The following SAMM50 variants were observed in gnomAD, a reference collection of about 807,000 sequenced individuals.
The protein encoded by SAMM50 is sorting and assembly machinery component 50 homolog.
Under a neutral mutation model 66.9 loss-of-function variants are expected in SAMM50, and 47 were observed. That is an observed-to-expected ratio of 0.70 (90% CI 0.56 to 0.90). The LOEUF is 0.90. SAMM50 is among the 40% of genes least tolerant of loss of function. The pLI is 0.00. For missense variants in SAMM50, 535 were observed against 595.3 expected (o/e 0.90, Z 1.05); for synonymous variants, 191 against 214.1 (o/e 0.89, Z 0.94).
intron 1 of SAMM50, among the ~76,000 whole-genome samples, chr22:43,956,068 C>G (rs555230426): frequency 9.9e-5 from 15 of 152,246 alleles, no homozygotes; most frequent in African/African-American, 3.6e-4. Context: ...AAAGACGGAA[C>G]CGCTCTCTGC....
intron 12 of SAMM50, among the ~76,000 whole-genome samples, chr22:43,985,460 T>C (rs4823108): frequency 0.24 from 36,217 of 151,912 alleles, 5,353 homozygotes; most frequent in East Asian, 0.39. Flanking sequence ...TTTGTAGCCT[T>C]TTCAAGTTGT....
chr22:43,989,900 G>C (rs1305313049), intron 13 of SAMM50, among the ~76,000 whole-genome samples: 1 of 152,208 alleles, frequency 6.6e-6, no homozygotes, highest in Admixed American at 6.5e-5. Flanking sequence ...CCCAGCAGAT[G>C]CCTGGGTGCT....
intron 4 of SAMM50, among the ~76,000 whole-genome samples, chr22:43,970,076 A>G (rs558693976): frequency 5.8e-4 from 89 of 152,336 alleles, no homozygotes; most frequent in Non-Finnish European, 9.8e-4. Context: ...TATTTGGAGT[A>G]TAGTTTCAGC....
intron 4 of SAMM50, among the ~76,000 whole-genome samples, chr22:43,970,051 T>A (rs2050195647): frequency 6.6e-6 from 1 of 152,150 alleles, no homozygotes; most frequent in African/African-American, 2.4e-5. Flanking sequence ...CTAGATAAAC[T>A]AAGGACATTT....
At chr22:43,956,266 C>G (rs2050119031) in intron 1 of SAMM50, among the ~76,000 whole-genome samples, 1 of 152,172 alleles carries the variant, frequency 6.6e-6, no homozygotes, top group Non-Finnish European at 1.5e-5. Flanking sequence ...TCCAAGGTCA[C>G]ATAGTTACTG....
At chr22:43,957,186 A>G in intron 1 of SAMM50, 1 of 706,202 alleles carries the variant, frequency 1.4e-6, no homozygotes, top group South Asian at 1.6e-5. Context: ...AGAACAACAT[A>G]GTGACTCCTG....
In SAMM50 at chr22:43,973,322, G is replaced by A; in HGVS notation, c.647G>A (p.Ser216Asn). 6.4e-7 allele frequency: 1 copy of A among 1,573,344 alleles called. No homozygotes were observed. The highest frequency in any genetic ancestry group is 8.7e-7 in the Non-Finnish European group (1 of 1,142,924). Residue 216 changes from serine (S) to asparagine (N), a missense_variant and splice_region_variant, in exon 7 of 15, where the codon AGT becomes AAT. By Grantham distance (46) the Ser-to-Asn change is conservative (BLOSUM62 1). Coordinates refer to ENST00000350028, the MANE Select transcript of SAMM50 (RefSeq NM_015380.5). ...GACAGAGGAATGTCAGCTGAGTACA[G>A]TGTGAGTAGCATTTCAGTCCTTCCC... ...ETDRGMSAEY[S>N]FPIWKTSHTV...
At chr22:43,955,974 T>C (rs188788881) in intron 1 of SAMM50, among the ~76,000 whole-genome samples, 7 of 152,352 alleles carry the variant, frequency 4.6e-5, no homozygotes, top group Non-Finnish European at 1.0e-4. Context: ...GGAGCCATTG[T>C]AGGCTCCTAG....
intron 3 of SAMM50, 74 bp from the exon 4 acceptor site, chr22:43,968,657 G>A (rs1013511709): frequency 3.9e-5 from 40 of 1,026,270 alleles, no homozygotes; most frequent in East Asian, 2.6e-4. Flanking sequence ...TACCAGCCTC[G>A]CCGTGTGGCT....
At chr22:43,972,821 C>T (rs2050210241) in intron 5 of SAMM50, 50 bp from the exon 6 acceptor site, 3 of 1,541,546 alleles carry the variant, frequency 1.9e-6, no homozygotes, top group African/African-American at 2.8e-5. Flanking sequence ...ATCCAAAGTT[C>T]TCATTCCTTC....
At chr22:43,985,017 A>C (rs2050285135) in intron 12 of SAMM50, among the ~76,000 whole-genome samples, 2 of 152,038 alleles carry the variant, frequency 1.3e-5, no homozygotes, top group Admixed American at 6.5e-5. Context: ...GCCATTTTTA[A>C]CAGGTACATA....
chr22:43,978,877 G>A (rs966929519), intron 10 of SAMM50, among the ~76,000 whole-genome samples: 1 of 152,184 alleles, frequency 6.6e-6, no homozygotes, highest in African/African-American at 2.4e-5. Flanking sequence ...ATGAAATGGT[G>A]CATGCGACTG....
At chr22:43,972,541 C>T (rs547577359) in intron 5 of SAMM50, among the ~76,000 whole-genome samples, 199 bp downstream of exon 5, 8 of 152,222 alleles carry the variant, frequency 5.3e-5, no homozygotes, top group East Asian at 3.9e-4. Flanking sequence ...ACAATGTTAA[C>T]GTTAGTAATT....
chr22:43,984,680 G>T (rs2050282776), intron 12 of SAMM50, among the ~76,000 whole-genome samples: 1 of 151,184 alleles, frequency 6.6e-6, no homozygotes, highest in African/African-American at 2.4e-5. Context: ...CCAGGCTGGA[G>T]TGCAGTGGCA....
rs1278365013 is a variant in SAMM50 at position 43,992,600 on chromosome 22, CTG to C, written c.1364+2199_1364+2200del. Reference sequence around the variant, plus strand: ...GGCCCAGCTTGGCCACTCTGTGTGACTGTGTGGCCCGGGGTGAGTCACAAAAC... The same window carrying C: ...GGCCCAGCTTGGCCACTCTGTGTGACTGTGGCCCGGGGTGAGTCACAAAAC... On this transcript the variant is annotated intron_variant, in intron 14 of 14. Coordinates refer to ENST00000350028, the MANE Select transcript of SAMM50 (RefSeq NM_015380.5). Among the ~76,000 whole-genome samples, 4 of 152,388 alleles carry C rather than the reference CTG, an allele frequency of 2.6e-5. No homozygotes were observed. In the East Asian group the frequency reaches 7.7e-4, roughly 29 times the overall value.
At chr22:43,992,438 G>A (rs6006605) in intron 14 of SAMM50, among the ~76,000 whole-genome samples, 2,233 of 152,318 alleles carry the variant, frequency 0.015, 57 homozygotes, top group African/African-American at 0.051. Context: ...CAGAGATGGC[G>A]GCGGCTGCTC....
intron 12 of SAMM50, 106 bp downstream of exon 12, chr22:43,984,106 CG>C: frequency 1.0e-6 from 1 of 954,428 alleles, no homozygotes; most frequent in East Asian, 2.7e-5. Context: ...TCCTCTTTCA[CG>C]GTGGTGGAAT....
At chr22:43,964,127 G>A (rs2073082) in intron 2 of SAMM50, among the ~76,000 whole-genome samples, 27,288 of 151,962 alleles carry the variant, frequency 0.18, 2,807 homozygotes, top group East Asian at 0.33. Context: ...TTCATTCACA[G>A]GCCAGTGCTC....
intron 7 of SAMM50, among the ~76,000 whole-genome samples, chr22:43,973,868 C>T (rs1050924391): frequency 2.6e-5 from 4 of 152,178 alleles, no homozygotes; most frequent in Non-Finnish European, 5.9e-5. Flanking sequence ...CCGTCTCAGC[C>T]TCCCAAAGTG....
Sources: gnomAD v4.1 joint callset for allele counts (sites outside exome capture counted in the v4.1 genomes callset) on GRCh38, gnomAD v4.1.1 for gene constraint, MANE v1.5 for transcripts, NCBI Gene and HGNC (gene_info 2026-07-23, HGNC 2026-07-21) for gene names.